The following ADGB variants were observed in gnomAD, a reference collection of about 807,000 sequenced individuals.
ADGB encodes calpain-7-like protein.
A neutral mutation model predicts 210.5 loss-of-function variants in ADGB; 172 were observed. The ratio of observed to expected loss-of-function variants is 0.82; its 90% CI spans 0.72 to 0.93. The LOEUF is 0.93. Ranked by LOEUF, ADGB falls within the 40% of genes least tolerant of loss-of-function variation. ADGB has a pLI of 0.00. For synonymous variants in ADGB, 658 were observed against 662.7 expected (o/e 0.99, Z 0.11); for missense variants, 2,025 against 1,964.8 (o/e 1.03, Z -0.58).
chr6:146,766,000 G>A (rs1261204774), intron 28 of ADGB, among the ~76,000 whole-genome samples: 1 of 152,044 alleles, frequency 6.6e-6, no homozygotes, highest in Non-Finnish European at 1.5e-5. Context: ...AAGAGAAAAA[G>A]AAGATATAAA....
intron 20 of ADGB, among the ~76,000 whole-genome samples, 154 bp from the exon 21 acceptor site, chr6:146,732,966 G>A (rs1381050793): frequency 1.3e-5 from 2 of 151,940 alleles, no homozygotes; most frequent in African/African-American, 2.4e-5. Context: ...TCTCTTACTG[G>A]GCAGGTGAGA....
chr6:146,672,547 G>A, intron 8 of ADGB, 80 bp downstream of exon 8: 1 of 1,435,142 alleles, frequency 7.0e-7, no homozygotes. Flanking sequence ...ATGTGTTGCT[G>A]GAAAGAGTGG....
intron 13 of ADGB, among the ~76,000 whole-genome samples, chr6:146,710,107 A>C (rs1776638989): frequency 6.6e-6 from 1 of 150,908 alleles, no homozygotes; most frequent in South Asian, 2.1e-4. Flanking sequence ...AGATATAGAA[A>C]TCTCAATCAT....
Position 146,740,506 on chromosome 6 carries a change from A to G in ADGB, c.2936A>G (p.Tyr979Cys), listed in dbSNP as rs1777149804. The change falls in exon 24 of 36, where the codon TAT becomes TGT. Residue 979 changes from tyrosine (Y) to cysteine (C), a missense_variant. Coordinates refer to ENST00000397944, the MANE Select transcript of ADGB (RefSeq NM_024694.4). ...KCKSLESYPC[Y>C]QDEETKIAFA... ...AAGTCTTTGGAATCTTATCCATGCT[A>G]TCAAGATGAAGAAACTAAGATTGCT... 6.5e-7 allele frequency: 1 copy of G among 1,549,160 alleles called. No individual in the cohort carries two copies. The highest frequency in any genetic ancestry group is 1.2e-5 in the South Asian group (1 of 83,876).
chr6:146,635,361 C>A lies in ADGB; in HGVS notation c.75-14C>A. 6.9e-7 allele frequency: 1 copy of A among 1,446,800 alleles called. No individual in the cohort carries two copies. The highest frequency in any genetic ancestry group is 1.5e-5 in the South Asian group (1 of 66,642). 89.6% of individuals were successfully genotyped at this position (1,446,800 alleles called of 1,614,324 possible). On this transcript the variant is annotated splice_polypyrimidine_tract_variant and intron_variant, in intron 1 of 35. Transcript: ENST00000397944. ...TAATTAAACCTAACCCACCCACTCTCTGTCTCTGTCTAGTTTCTATCCTTT... is the reference window on the plus strand; with the variant it reads ...TAATTAAACCTAACCCACCCACTCTATGTCTCTGTCTAGTTTCTATCCTTT...
intron 13 of ADGB, among the ~76,000 whole-genome samples, chr6:146,711,724 T>TG (rs1369893904): frequency 6.6e-6 from 1 of 152,116 alleles, no homozygotes; most frequent in Non-Finnish European, 1.5e-5. Context: ...TAAGCATTGC[T>TG]CTTGATTTAA....
chr6:146,615,562 C>T (rs890543561), intron 1 of ADGB, among the ~76,000 whole-genome samples: 1 of 152,166 alleles, frequency 6.6e-6, no homozygotes, highest in Non-Finnish European at 1.5e-5. Flanking sequence ...TTTTTGTACC[C>T]ATTAACTAAT....
rs183956899 is a variant in ADGB, at chr6:146,734,921, A to T, written c.2794+891A>T. Among the ~76,000 whole-genome samples, 3 of 152,252 alleles carry T rather than the reference A, an allele frequency of 2.0e-5. No individual in the cohort carries two copies. The East Asian group carries it at 5.8e-4, about 29-fold the overall frequency. On this transcript the variant is annotated intron_variant, in intron 22 of 35. Transcript: ENST00000397944. ...ACAGGGTGAGATCTTGTCTCAAAAA[A>T]ACAAAAAACAAAAAATATATATTCA... is the stretch of plus-strand genomic sequence containing the variant.
intron 1 of ADGB, among the ~76,000 whole-genome samples, chr6:146,612,752 G>T (rs1041019725): frequency 6.6e-6 from 1 of 152,082 alleles, no homozygotes; most frequent in African/African-American, 2.4e-5. Context: ...AAAGAAGAAT[G>T]AAAGAAGGGA....
At chr6:146,774,916 A>C (rs1315377022) in intron 29 of ADGB, among the ~76,000 whole-genome samples, 1 of 151,860 alleles carries the variant, frequency 6.6e-6, no homozygotes, top group Non-Finnish European at 1.5e-5. Context: ...GGGATTACAG[A>C]CGTGCGCCAC....
chr6:146,734,945 CA>C (rs1257297317), intron 22 of ADGB, among the ~76,000 whole-genome samples: 1 of 151,696 alleles, frequency 6.6e-6, no homozygotes, highest in African/African-American at 2.4e-5. Context: ...AATATATATT[CA>C]ATTATTTTCA....
intron 2 of ADGB, chr6:146,638,954 C>T (rs533763857): frequency 4.6e-5 from 7 of 151,476 alleles, no homozygotes; most frequent in African/African-American, 1.5e-4. Context: ...TCTTGCCATC[C>T]TTGCTGTTGT....
At chr6:146,793,289 A>G (rs893570381) in intron 33 of ADGB, among the ~76,000 whole-genome samples, 1 of 152,126 alleles carries the variant, frequency 6.6e-6, no homozygotes, top group Non-Finnish European at 1.5e-5. Flanking sequence ...GCATTTTACA[A>G]TCCTCTTGTA....
chr6:146,605,526 T>C (rs1562253047), intron 1 of ADGB, among the ~76,000 whole-genome samples: 1 of 152,172 alleles, frequency 6.6e-6, no homozygotes, highest in Non-Finnish European at 1.5e-5. Context: ...ATATATATTT[T>C]ATATTATATA....
At chr6:146,807,060 G>A (rs2114671564) in intron 35 of ADGB, among the ~76,000 whole-genome samples, 1 of 152,232 alleles carries the variant, frequency 6.6e-6, no homozygotes. Flanking sequence ...AATTTCTTGA[G>A]CACAGTTACT....
intron 16 of ADGB, among the ~76,000 whole-genome samples, chr6:146,718,671 G>A (rs1007126143): frequency 2.0e-5 from 3 of 152,158 alleles, no homozygotes; most frequent in Non-Finnish European, 4.4e-5. Flanking sequence ...CCTGTCATAG[G>A]ACAAGGCCAC....
At chr6:146,769,420 CA>C (rs1179404735) in intron 29 of ADGB, among the ~76,000 whole-genome samples, 2 of 152,016 alleles carry the variant, frequency 1.3e-5, no homozygotes, top group Admixed American at 6.6e-5. Context: ...TTGAACATTT[CA>C]AAAATGTATG....
At chr6:146,643,491 C>T (rs116406373) in intron 2 of ADGB, among the ~76,000 whole-genome samples, 2,946 of 151,684 alleles carry the variant, frequency 0.019, 41 homozygotes, top group Middle Eastern at 0.058. Flanking sequence ...TTGTAAGGAC[C>T]TTTATTTCCC....
intron 27 of ADGB, among the ~76,000 whole-genome samples, chr6:146,760,366 T>A (rs1777467423): frequency 1.3e-5 from 2 of 151,986 alleles, no homozygotes; most frequent in South Asian, 4.1e-4. Context: ...GTATTTATCT[T>A]TTGACACCGG....
Sources: gnomAD v4.1 joint callset for allele counts (sites outside exome capture counted in the v4.1 genomes callset) on GRCh38, gnomAD v4.1.1 for gene constraint, MANE v1.5 for transcripts, NCBI Gene and HGNC (gene_info 2026-07-23, HGNC 2026-07-21) for gene names.